The following DUSP16 variants were observed in gnomAD, a reference collection of about 807,000 sequenced individuals.
DUSP16 encodes the protein dual specificity protein phosphatase 16.
In DUSP16, 21 loss-of-function variants were observed where a neutral mutation model predicts 58.3. The observed-to-expected ratio is 0.36, with a 90% CI of 0.26 to 0.52. DUSP16 has a LOEUF of 0.52. DUSP16 is among the 20% of genes least tolerant of loss of function. DUSP16 has a pLI of 0.94. For missense variants in DUSP16, 726 were observed against 819.0 expected (o/e 0.89, Z 1.39); for synonymous variants, 320 against 323.8 (o/e 0.99, Z 0.12).
intron 1 of DUSP16, among the ~76,000 whole-genome samples, chr12:12,527,235 A>G (rs567907102): frequency 6.6e-6 from 1 of 152,356 alleles, no homozygotes; most frequent in Admixed American, 6.5e-5. Flanking sequence ...ATATACCGAA[A>G]TGCCTTTCAA....
chr12:12,552,387 AG>A (rs1446075026), intron 1 of DUSP16, among the ~76,000 whole-genome samples: 2 of 152,122 alleles, frequency 1.3e-5, no homozygotes, highest in East Asian at 3.9e-4. Flanking sequence ...CAGAGGTTGC[AG>A]TGAGCTGAGA....
chr12:12,549,866 A>G (rs1445651259), intron 1 of DUSP16, among the ~76,000 whole-genome samples: 1 of 152,014 alleles, frequency 6.6e-6, no homozygotes, highest in East Asian at 1.9e-4. Context: ...CCTTTATCCA[A>G]CACGCTCTGA....
At position 12,476,998 on chromosome 12, in the gene DUSP16, C is replaced by G. The variant is rs1943453929; in HGVS notation, c.1833G>C (p.Arg611=). ...QKPSDRADSR[R]SWHEESPFEK... is the part of the protein sequence containing the mutation. ...CAAAGGGGCTCTCTTCATGCCAGCT[C>G]CGCCGCGAGTCAGCTCTGTCACTTG... The change falls in exon 7 of 7, where the codon CGG becomes CGC. Residue 611 remains arginine, a synonymous_variant. Coordinates refer to ENST00000298573, the MANE Select transcript of DUSP16 (RefSeq NM_030640.3). 3 of 1,614,234 alleles carry G rather than the reference C, an allele frequency of 1.9e-6. No homozygotes were observed. Among genetic ancestry groups the G allele is most frequent in the African/African-American group, 2.7e-5 (2 of 75,050 alleles).
chr12:12,499,474 G>GGA (rs1943879172), intron 4 of DUSP16, among the ~76,000 whole-genome samples: 2 of 152,170 alleles, frequency 1.3e-5, no homozygotes, highest in Non-Finnish European at 2.9e-5. Context: ...TGAAAAGGCA[G>GGA]GAGTTTTAAA....
At chr12:12,494,492 TCC>T (rs1460905354) in intron 4 of DUSP16, among the ~76,000 whole-genome samples, 13 of 152,114 alleles carry the variant, frequency 8.5e-5, no homozygotes, top group African/African-American at 3.1e-4. Flanking sequence ...CAAAGAGGTA[TCC>T]GATGAATATA....
At chr12:12,494,490 T>TA (rs1424217229) in intron 4 of DUSP16, among the ~76,000 whole-genome samples, 13 of 152,086 alleles carry the variant, frequency 8.5e-5, no homozygotes, top group African/African-American at 3.1e-4. Flanking sequence ...TACAAAGAGG[T>TA]ATCCGATGAA....
In DUSP16 at chr12:12,495,387, A is replaced by C. The variant is rs11054934; in HGVS notation, c.531+5132T>G. On this transcript the variant is annotated intron_variant, in intron 4 of 6. Transcript: ENST00000298573. ...AAGACATACTCCCCCTAAGGATTTA[A>C]ATAGTGATTCTAGTTTCAACACACA... Among the ~76,000 whole-genome samples, 1,284 of 152,338 alleles carry C rather than the reference A, an allele frequency of 8.4e-3. 16 individuals are homozygous for C. The highest frequency in any genetic ancestry group is 0.029 in the African/African-American group (1,215 of 41,572).
At chr12:12,487,245 CTGAA>C in intron 4 of DUSP16, 58 bp from the exon 5 acceptor site, 1 of 1,557,468 alleles carries the variant, frequency 6.4e-7, no homozygotes, top group Non-Finnish European at 8.8e-7. Context: ...CATGATCATT[CTGAA>C]AGAGTGAAGT....
At chr12:12,549,776 T>TA (rs35578513) in intron 1 of DUSP16, among the ~76,000 whole-genome samples, 44,172 of 147,884 alleles carry the variant, frequency 0.3, 6,955 homozygotes, top group Non-Finnish European at 0.35. Context: ...GCTTTTTTAT[T>TA]AAAAAAAAAA....
At chr12:12,499,982 CT>C (rs913011144) in intron 4 of DUSP16, among the ~76,000 whole-genome samples, 1 of 151,962 alleles carries the variant, frequency 6.6e-6, no homozygotes, top group African/African-American at 2.4e-5. Context: ...CCTCTTCCTT[CT>C]CAACCAAACT....
intron 3 of DUSP16, among the ~76,000 whole-genome samples, chr12:12,506,783 C>T (rs770530456): frequency 2.6e-4 from 39 of 152,360 alleles, no homozygotes; most frequent in Middle Eastern, 3.4e-3. Context: ...GATGCACAGG[C>T]AGCCAGACCG....
chr12:12,486,867 T>G lies in DUSP16; in HGVS notation c.691+161A>C, dbSNP rs547201513. The stretch of plus-strand genomic sequence containing the variant: ...GGGACAGTGTGACACACACGTCACC[T>G]TGACCACCAGATGAGTAAGCTGCAC... On this transcript the variant is annotated intron_variant, in intron 5 of 6. Transcript: ENST00000298573. Among the ~76,000 whole-genome samples, 4 of 152,360 alleles carry G rather than the reference T, an allele frequency of 2.6e-5. No individual in the cohort carries two copies. In the South Asian group the frequency reaches 8.3e-4, roughly 32 times the overall value.
intron 4 of DUSP16, among the ~76,000 whole-genome samples, chr12:12,498,603 C>T (rs961577197): frequency 2.6e-5 from 4 of 151,746 alleles, no homozygotes; most frequent in Admixed American, 6.6e-5. Context: ...TTTGTAGAGA[C>T]GGGGTTTTGC....
At chr12:12,503,624 G>A (rs1000913363) in intron 3 of DUSP16, among the ~76,000 whole-genome samples, 2 of 152,124 alleles carry the variant, frequency 1.3e-5, no homozygotes, top group African/African-American at 2.4e-5. Flanking sequence ...ATGCCTGTAA[G>A]GTTAACTTCC....
At chr12:12,535,712 A>T (rs192314816) in intron 1 of DUSP16, among the ~76,000 whole-genome samples, 5 of 152,386 alleles carry the variant, frequency 3.3e-5, no homozygotes, top group African/African-American at 1.2e-4. Context: ...ATATGAAAAG[A>T]TAACATGCCG....
At chr12:12,495,236 CAAAAAAAAA>C (rs10555943) in intron 4 of DUSP16, among the ~76,000 whole-genome samples, 2 of 98,944 alleles carry the variant, frequency 2.0e-5, no homozygotes, top group Non-Finnish European at 2.1e-5. Context: ...AAAGCCATTA[CAAAAAAAAA>C]AAAAAAAAAA....
At chr12:12,521,508 A>G in intron 1 of DUSP16, 45 bp from the exon 2 acceptor site, 1 of 896,376 alleles carries the variant, frequency 1.1e-6, no homozygotes. Flanking sequence ...GAGGTCAAAA[A>G]AAGAAGAAAG....
intron 1 of DUSP16, among the ~76,000 whole-genome samples, chr12:12,546,019 T>A (rs1025176632): frequency 2.6e-5 from 4 of 152,206 alleles, no homozygotes; most frequent in Admixed American, 6.5e-5. Flanking sequence ...ATTGATGTAA[T>A]AACAGTAACA....
chr12:12,510,301 A>G (rs1239564529), intron 3 of DUSP16, among the ~76,000 whole-genome samples: 2 of 152,244 alleles, frequency 1.3e-5, no homozygotes, highest in Non-Finnish European at 2.9e-5. Context: ...ATGAGTCAAG[A>G]GGAAAAAGGA....
Sources: allele counts gnomAD v4.1 joint callset (sites outside exome capture counted in the v4.1 genomes callset), GRCh38; gene constraint gnomAD v4.1.1; transcripts MANE v1.5; gene names NCBI Gene and HGNC (gene_info 2026-07-23, HGNC 2026-07-21).